ANO5: variants seen among roughly 807,000 people sequenced by gnomAD.
The protein encoded by ANO5 is anoctamin-5.
A neutral mutation model predicts 121.0 loss-of-function variants in ANO5; 109 were observed. The observed-to-expected ratio is 0.90, with a 90% confidence interval of 0.77 to 1.06. ANO5 has a LOEUF of 1.06. ANO5 is among the 50% of genes least tolerant of loss of function. The probability of loss-of-function intolerance (pLI) is 0.00; values close to 1 mark genes in which losing one functional copy is unlikely to be tolerated. For missense variants in ANO5, 1,064 were observed against 1,078.5 expected, an observed-to-expected ratio of 0.99 and a Z score of 0.19; for synonymous variants, 406 against 359.9, an observed-to-expected ratio of 1.13 and a Z score of -1.45.
chr11:22,227,427 C>T lies in ANO5; in HGVS notation c.489C>T (p.His163=). ...IKESDIPRPK[H]TPISYVLGPV... Reference sequence around the variant, plus strand: ...AGAGTGATATTCCCCGCCCTAAGCACACTCCTATAAGCTATGTGCTTGGAC... The same window carrying T: ...AGAGTGATATTCCCCGCCCTAAGCATACTCCTATAAGCTATGTGCTTGGAC... Residue 163 remains histidine (H), a synonymous_variant, in exon 7 of 22, where the codon CAC becomes CAT. Transcript: ENST00000324559. 5.0e-6 allele frequency: 8 copies of T among 1,613,594 alleles called. No individual in the cohort carries two copies. Among genetic ancestry groups the T allele is most frequent in the South Asian group, 1.1e-5 (1 of 91,076 alleles).
chr11:22,256,611 G>GA (rs1590294504), intron 13 of ANO5, among the ~76,000 whole-genome samples: 1 of 152,012 alleles, frequency 6.6e-6, no homozygotes, highest in Non-Finnish European at 1.5e-5. Flanking sequence ...AAAATTAACA[G>GA]AAAAAAATGT....
At chr11:22,261,640 G>A (rs192426082) in intron 15 of ANO5, 1 of 173,096 alleles carries the variant, frequency 5.8e-6, no homozygotes, top group East Asian at 1.6e-4. Context: ...GCTCCACCTG[G>A]GTGACAGAGT....
At chr11:22,212,438 T>C (rs1242445325) in intron 3 of ANO5, among the ~76,000 whole-genome samples, 1 of 152,018 alleles carries the variant, frequency 6.6e-6, no homozygotes, top group Non-Finnish European at 1.5e-5. Context: ...ATTAGTCTTA[T>C]AATATTTTGG....
At chr11:22,239,805 A>C (rs1853365515) in intron 9 of ANO5, 121 bp downstream of exon 9, 1 of 743,628 alleles carries the variant, frequency 1.3e-6, no homozygotes, top group Non-Finnish European at 2.3e-6. Context: ...TCTTGATTTC[A>C]TATCTACACT....
intron 21 of ANO5, 142 bp downstream of exon 21, chr11:22,276,341 A>G: frequency 1.4e-6 from 1 of 713,394 alleles, no homozygotes; most frequent in Admixed American, 2.1e-5. Flanking sequence ...CATAAAAAGC[A>G]CCTTAGGGAT....
intron 3 of ANO5, 130 bp downstream of exon 3, chr11:22,211,444 ATTACTTT>A: frequency 8.8e-7 from 1 of 1,132,240 alleles, no homozygotes; most frequent in Admixed American, 1.8e-5. Flanking sequence ...TTGAGAATAT[ATTACTTT>A]AGAAAAAAAA....
At chr11:22,198,803 A>G (rs371629261) in intron 1 of ANO5, among the ~76,000 whole-genome samples, 1 of 152,160 alleles carries the variant, frequency 6.6e-6, no homozygotes, top group African/African-American at 2.4e-5. Flanking sequence ...ATATCTTGAG[A>G]CACAAGGCTT....
intron 3 of ANO5, among the ~76,000 whole-genome samples, chr11:22,215,638 A>G (rs1358331835): frequency 6.6e-6 from 1 of 151,968 alleles, no homozygotes. Context: ...TCTCAACAAC[A>G]TGCATTATAT....
Position 22,279,776 on chromosome 11 carries a change from GAGGA to G in ANO5, c.*14_*17del, listed in dbSNP as rs1433445544. 5 of 1,605,734 alleles carry G rather than the reference GAGGA, an allele frequency of 3.1e-6. No individual in the cohort carries two copies. The highest frequency in any genetic ancestry group is 1.3e-5 in the African/African-American group (1 of 74,634). ...AAATCAACACTCTAATCAGTATAGT[GAGGA>G]AGCAGCAGGTGATCTGCCTTACTTC... On this transcript the variant is annotated 3_prime_UTR_variant, in exon 22 of 22. Transcript: ENST00000324559.
intron 17 of ANO5, 47 bp downstream of exon 17, chr11:22,263,090 A>C: frequency 6.8e-7 from 1 of 1,475,466 alleles, no homozygotes; most frequent in Non-Finnish European, 9.5e-7. Context: ...TAACCATGAG[A>C]TATTTCCTCT....
At chr11:22,252,558 T>C (rs1041146010) in intron 12 of ANO5, among the ~76,000 whole-genome samples, 2 of 152,226 alleles carry the variant, frequency 1.3e-5, no homozygotes, top group Admixed American at 6.5e-5. Context: ...TTTTTTATGA[T>C]TCACATGTGC....
chr11:22,260,386 C>T (rs567628404), intron 15 of ANO5, among the ~76,000 whole-genome samples: 22 of 152,226 alleles, frequency 1.4e-4, no homozygotes, highest in African/African-American at 4.6e-4. Flanking sequence ...AGCCTCTTCT[C>T]TGAGTGTTCT....
At chr11:22,226,934 G>A (rs1012928912) in intron 6 of ANO5, among the ~76,000 whole-genome samples, 2 of 152,064 alleles carry the variant, frequency 1.3e-5, no homozygotes, top group African/African-American at 4.8e-5. Flanking sequence ...AAAATTTTGA[G>A]CTTATAGCTA....
intron 17 of ANO5, 106 bp downstream of exon 17, chr11:22,263,149 G>A (rs1181957158): frequency 1.1e-5 from 10 of 914,044 alleles, no homozygotes; most frequent in Non-Finnish European, 1.7e-5. Context: ...GTTAGAAAAT[G>A]TTTAAGCCAA....
chr11:22,258,495 C>T (rs921876158), intron 14 of ANO5, among the ~76,000 whole-genome samples: 41 of 152,234 alleles, frequency 2.7e-4, no homozygotes, highest in African/African-American at 9.1e-4. Context: ...TAATTTGACT[C>T]GCTTCCTCAA....
intron 20 of ANO5, 39 bp from the exon 21 acceptor site, chr11:22,276,052 CTAT>C (rs769270781): frequency 1.8e-5 from 22 of 1,255,936 alleles, no homozygotes; most frequent in South Asian, 3.7e-5. Context: ...GAAGCTATAA[CTAT>C]TATTATTTTT....
intron 7 of ANO5, among the ~76,000 whole-genome samples, chr11:22,228,823 C>A (rs570851677): frequency 1.3e-5 from 2 of 151,906 alleles, no homozygotes; most frequent in East Asian, 3.9e-4. Flanking sequence ...ATGGCTATAT[C>A]TAGCCATAAA....
chr11:22,237,617 C>T lies in ANO5; in HGVS notation c.762+1341C>T, dbSNP rs1176254123. 2.0e-5 allele frequency among the ~76,000 whole-genome samples: 3 copies of T among 152,192 alleles called. No homozygotes were observed. In the South Asian group the frequency reaches 6.2e-4, roughly 32 times the overall value. On this transcript the variant is annotated intron_variant, in intron 8 of 21. Coordinates refer to ENST00000324559, the MANE Select transcript of ANO5 (RefSeq NM_213599.3). ...TGTTGGCCAGGCTGTAATTGAACTC[C>T]TGGCCAATGTTCAATATTTATTCAG...
chr11:22,198,746 T>A (rs971825571), intron 1 of ANO5, among the ~76,000 whole-genome samples: 5 of 152,200 alleles, frequency 3.3e-5, no homozygotes, highest in African/African-American at 9.6e-5. Flanking sequence ...TAATAGTGAC[T>A]GTTTTTGTCC....
Sources: allele counts gnomAD v4.1 joint callset (sites outside exome capture counted in the v4.1 genomes callset), GRCh38; gene constraint gnomAD v4.1.1; transcripts MANE v1.5; gene names NCBI Gene and HGNC (gene_info 2026-07-23, HGNC 2026-07-21).